CEP78: variants seen among roughly 807,000 people sequenced by gnomAD.
The protein encoded by CEP78 is centrosomal protein of 78 kDa.
CEP78 carries 76 observed loss-of-function variants against 81.2 expected under a neutral mutation model. The observed-to-expected ratio is 0.94, with a 90% confidence interval of 0.78 to 1.13. The LOEUF is 1.13. Ranked by LOEUF, CEP78 falls within the 50% of genes most tolerant of loss-of-function variation. The pLI is 0.00. For synonymous variants in CEP78, 293 were observed against 301.4 expected (o/e 0.97, Z 0.29); for missense variants, 918 against 846.8 (o/e 1.08, Z -1.04).
At chr9:78,268,767 C>A (rs1470901892) in intron 16 of CEP78, among the ~76,000 whole-genome samples, 1 of 150,708 alleles carries the variant, frequency 6.6e-6, no homozygotes, top group African/African-American at 2.4e-5. Context: ...ACTGCAAGCT[C>A]CGCCTCAGCC....
At position 78,236,400 on chromosome 9, in the gene CEP78, C is replaced by T. The variant is rs906774238; in HGVS notation, c.50C>T (p.Ser17Phe). 2.5e-6 allele frequency: 4 copies of T among 1,596,300 alleles called. No homozygotes were observed. Among genetic ancestry groups the T allele is most frequent in the African/African-American group, 2.7e-5 (2 of 74,606 alleles). ...LRRDSAADFF[S>F]HYEYLCALQN... Reference sequence around the variant, plus strand: ...CGCGACAGCGCGGCGGACTTCTTCTCCCACTACGAGTACCTGTGCGCGCTG... The same window carrying T: ...CGCGACAGCGCGGCGGACTTCTTCTTCCACTACGAGTACCTGTGCGCGCTG... The change falls in exon 1 of 17, where the codon TCC becomes TTC. Residue 17 changes from serine (S) to phenylalanine (F), a missense_variant. Coordinates refer to ENST00000643273, the MANE Select transcript of CEP78 (RefSeq NM_001330691.3).
chr9:78,252,471 A>G (rs574990247), intron 9 of CEP78, among the ~76,000 whole-genome samples: 1 of 152,178 alleles, frequency 6.6e-6, no homozygotes, highest in South Asian at 2.1e-4. Flanking sequence ...CAACTGGCCT[A>G]ACTCATTTTA....
rs996143536 is a variant in CEP78, at chr9:78,274,076, C to A, written c.*3225C>A. ...AGATGAAAACTTAGTTCACACAAAA[C>A]CTGTGCGTGGATATTTATAGCAGCT... On this transcript the variant is annotated 3_prime_UTR_variant, in exon 17 of 17. Transcript: ENST00000643273. 6.6e-6 allele frequency: 1 copy of A among 152,262 alleles called. No individual in the cohort carries two copies. The highest frequency in any genetic ancestry group is 2.1e-4 in the South Asian group (1 of 4,830). The allele number at this position is 152,262 out of a possible 1,614,324, so 9.4% of individuals were successfully genotyped here.
intron 8 of CEP78, chr9:78,249,925 C>T: frequency 5.0e-6 from 1 of 201,498 alleles, no homozygotes. Flanking sequence ...TTAAGATCAC[C>T]AAACAATTAA....
chr9:78,269,548 A>G (rs1055723907), intron 16 of CEP78, among the ~76,000 whole-genome samples: 1 of 152,260 alleles, frequency 6.6e-6, no homozygotes, highest in African/African-American at 2.4e-5. Context: ...GGATTCTGAG[A>G]GAGACAAGTG....
intron 5 of CEP78, among the ~76,000 whole-genome samples, chr9:78,244,134 CT>C (rs971743733): frequency 0.026 from 2,889 of 110,740 alleles, 26 homozygotes; most frequent in African/African-American, 0.07. Flanking sequence ...ATTGAAGTTA[CT>C]TTTTTTTTTT....
intron 10 of CEP78, among the ~76,000 whole-genome samples, chr9:78,254,312 C>G (rs1826908551): frequency 6.6e-6 from 1 of 152,060 alleles, no homozygotes; most frequent in East Asian, 1.9e-4. Context: ...AAGCAGTACT[C>G]CTGCCTTGGC....
intron 1 of CEP78, among the ~76,000 whole-genome samples, chr9:78,239,277 T>C (rs1230433958): frequency 6.6e-6 from 1 of 152,136 alleles, no homozygotes; most frequent in African/African-American, 2.4e-5. Flanking sequence ...TTTGCTGCCG[T>C]TGAGCTTGGT....
chr9:78,247,583 G>T (rs552082781), intron 6 of CEP78, among the ~76,000 whole-genome samples: 1 of 152,170 alleles, frequency 6.6e-6, no homozygotes, highest in Admixed American at 6.5e-5. Context: ...AATTCTAAAT[G>T]AGCTGAAAAC....
chr9:78,236,763 G>T, intron 1 of CEP78, 160 bp downstream of exon 1: 1 of 887,166 alleles, frequency 1.1e-6, no homozygotes, highest in Non-Finnish European at 1.6e-6. Flanking sequence ...GCTTCAGTGT[G>T]CTCATCCGTA....
Position 78,267,022 on chromosome 9 carries a change from A to G in CEP78, c.2107+319A>G, listed in dbSNP as rs113626370. The G allele has an allele frequency of 1.9e-5, 24 of 1,296,088 alleles. 1 individual carries two copies. The highest frequency in any genetic ancestry group is 1.8e-4 in the African/African-American group (12 of 66,422). 80.3% of individuals were successfully genotyped at this position (1,296,088 alleles called of 1,614,324 possible). On this transcript the variant is annotated intron_variant, in intron 16 of 16. Coordinates refer to ENST00000643273, the MANE Select transcript of CEP78 (RefSeq NM_001330691.3). ...CTTTCATATGACTAAATCTTTTGAA[A>G]CTATGTTTTTACCTTTAAATTTTAA...
At chr9:78,264,466 T>G (rs1827422680) in intron 13 of CEP78, 150 bp downstream of exon 13, 2 of 593,708 alleles carry the variant, frequency 3.4e-6, no homozygotes, top group Non-Finnish European at 5.5e-6. Context: ...GGAATTAATT[T>G]TAAAAGAAAT....
chr9:78,243,520 C>A lies in CEP78; in HGVS notation c.662C>A (p.Pro221His). 1 of 1,613,750 alleles carries A rather than the reference C, an allele frequency of 6.2e-7. No individual in the cohort carries two copies. Among genetic ancestry groups the A allele is most frequent in the Non-Finnish European group, 8.5e-7 (1 of 1,179,748 alleles). Reference protein sequence around the residue: ...TWAESLRYRRPDLDCMAGLRR... With the variant: ...TWAESLRYRRHDLDCMAGLRR... ...GCTGAGAGTCTTCGCTATAGGAGACCTGATCTTGACTGTATGGCTGGCTTA... is the reference window on the plus strand; with the variant it reads ...GCTGAGAGTCTTCGCTATAGGAGACATGATCTTGACTGTATGGCTGGCTTA... Residue 221 changes from proline (P) to histidine (H), a missense_variant, in exon 5 of 17, where the codon CCT becomes CAT. Coordinates refer to ENST00000643273, the MANE Select transcript of CEP78 (RefSeq NM_001330691.3).
chr9:78,236,746 C>A lies in CEP78; in HGVS notation c.253+143C>A. On this transcript the variant is annotated intron_variant, in intron 1 of 16. Transcript: ENST00000643273. ...ACGAGCTAGGTGAGTGGCTTAAGGT[C>A]TCTAGGGCTTCAGTGTGCTCATCCG... 1.9e-6 allele frequency: 2 copies of A among 1,073,560 alleles called. No individual in the cohort carries two copies. The highest frequency in any genetic ancestry group is 2.6e-6 in the Non-Finnish European group (2 of 782,622). The allele number at this position is 1,073,560 out of a possible 1,614,324, so 66.5% of individuals were successfully genotyped here.
chr9:78,247,086 G>A (rs151190232), intron 6 of CEP78, among the ~76,000 whole-genome samples: 390 of 152,272 alleles, frequency 2.6e-3, no homozygotes, highest in African/African-American at 9.1e-3. Context: ...TTGTTGATTT[G>A]ACAAGTAATT....
At chr9:78,269,525 A>G (rs1827644389) in intron 16 of CEP78, among the ~76,000 whole-genome samples, 1 of 152,258 alleles carries the variant, frequency 6.6e-6, no homozygotes, top group South Asian at 2.1e-4. Context: ...GGTTTAAGTG[A>G]TAAGCAAAGA....
chr9:78,248,492 G>A (rs1477304949), intron 7 of CEP78, 137 bp downstream of exon 7: 2 of 662,962 alleles, frequency 3.0e-6, no homozygotes, highest in African/African-American at 3.7e-5. Flanking sequence ...TAGGTAGCTA[G>A]GACTGTAGGT....
At chr9:78,253,204 ATAACT>A (rs2118315972) in intron 9 of CEP78, 23 bp from the exon 10 acceptor site, 1 of 1,008,988 alleles carries the variant, frequency 9.9e-7, no homozygotes, top group East Asian at 2.6e-5. Context: ...ACATCAAAAT[ATAACT>A]TAATTTATCG....
rs552587419 is a variant in CEP78 at position 78,253,367 on chromosome 9, G to A, written c.1251+90G>A. 1,534 of 731,810 alleles carry A rather than the reference G, an allele frequency of 2.1e-3. 5 individuals carry two copies. The highest frequency in any genetic ancestry group is 2.7e-3 in the Non-Finnish European group (1,105 of 414,032). The allele number at this position is 731,810 out of a possible 1,614,324, so 45.3% of individuals were successfully genotyped here. On this transcript the variant is annotated intron_variant, in intron 10 of 16. Coordinates refer to ENST00000643273, the MANE Select transcript of CEP78 (RefSeq NM_001330691.3). ...TGTGCTCTTTAAATTGAATAGAGTCGTAAGAAACATTTCCCTCCCTGAAGT... is the reference window on the plus strand; with the variant it reads ...TGTGCTCTTTAAATTGAATAGAGTCATAAGAAACATTTCCCTCCCTGAAGT...
Sources: allele counts gnomAD v4.1 joint callset (sites outside exome capture counted in the v4.1 genomes callset), GRCh38; gene constraint gnomAD v4.1.1; transcripts MANE v1.5; gene names NCBI Gene and HGNC (gene_info 2026-07-23, HGNC 2026-07-21).